DSC3: variants seen among roughly 807,000 people sequenced by gnomAD.
DSC3 encodes the protein desmocollin-3.
DSC3 carries 97 observed loss-of-function variants against 89.5 expected under a neutral mutation model. The ratio of observed to expected loss-of-function variants is 1.08; its 90% CI spans 0.92 to 1.28. The LOEUF is 1.28. Ranked by LOEUF, DSC3 falls within the 50% of genes most tolerant of loss-of-function variation. The pLI is 0.00. For synonymous variants in DSC3, 436 were observed against 384.1 expected (o/e 1.14, Z -1.58); for missense variants, 1,199 against 1,085.3 (o/e 1.10, Z -1.47).
In DSC3 at chr18:30,990,176, T is replaced by A. The variant is rs1984186244; in HGVS notation, c.*3999A>T. 6.6e-6 allele frequency: 1 copy of A among 152,178 alleles called. No individual in the cohort carries two copies. Among genetic ancestry groups the A allele is most frequent in the Non-Finnish European group, 1.5e-5 (1 of 68,028 alleles). 9.4% of individuals were successfully genotyped at this position (152,178 alleles called of 1,614,324 possible). On this transcript the variant is annotated 3_prime_UTR_variant, in exon 16 of 16. Coordinates refer to ENST00000360428, the MANE Select transcript of DSC3 (RefSeq NM_001941.5). ...ACTTTAGGTATAGTAACTCATTTAA[T>A]CATTCAACAACCCCATGAGGCTGGC...
intron 1 of DSC3, among the ~76,000 whole-genome samples, chr18:31,037,922 A>G (rs980151040): frequency 8.5e-5 from 13 of 152,050 alleles, no homozygotes; most frequent in South Asian, 4.1e-4. Flanking sequence ...TTCATTCTCT[A>G]CATTCTTAGT....
Position 31,001,621 on chromosome 18 carries a change from T to C in DSC3, c.2232A>G (p.Arg744=), listed in dbSNP as rs932601444. 2.5e-6 allele frequency: 4 copies of C among 1,609,574 alleles called. No individual in the cohort carries two copies. The African/African-American group carries it at 4.0e-5, about 16-fold the overall frequency. The change falls in exon 14 of 16, where the codon AGA becomes AGG. Residue 744 remains arginine (R), a synonymous_variant. Coordinates refer to ENST00000360428, the MANE Select transcript of DSC3 (RefSeq NM_001941.5). ...ISNTEAPGDD[R]VCSANGFMTQ... ...TATTTATTTAAAAATTACTTACCAC[T>C]CTATCGTCTCCAGGTGCTTCTGTGT...
intron 9 of DSC3, among the ~76,000 whole-genome samples, chr18:31,010,090 G>A (rs1480990528): frequency 6.6e-6 from 1 of 152,142 alleles, no homozygotes; most frequent in Non-Finnish European, 1.5e-5. Flanking sequence ...CAAAACTGGT[G>A]AATAAAATTA....
intron 15 of DSC3, 41 bp from the exon 16 acceptor site, chr18:30,994,413 A>G: frequency 6.3e-7 from 1 of 1,598,020 alleles, no homozygotes; most frequent in South Asian, 1.1e-5. Context: ...TATAGTTTTA[A>G]ACAACTTAAA....
In DSC3 at chr18:30,996,864, C is replaced by A. The variant is rs1240109918; in HGVS notation, c.2420G>T (p.Gly807Val). ...HHHTLDSCRG[G>V]HTEVDNCRYT... The stretch of plus-strand genomic sequence containing the variant: ...TCTGCAGTTGTCCACCTCCGTGTGT[C>A]CTCCCCTGCAGGAGTCCAGGGTATG... The change falls in exon 15 of 16, where the codon GGA becomes GTA. Residue 807 changes from glycine (G) to valine (V), a missense_variant. Coordinates refer to ENST00000360428, the MANE Select transcript of DSC3 (RefSeq NM_001941.5). 1.2e-6 allele frequency: 2 copies of A among 1,613,782 alleles called. No individual in the cohort carries two copies. The highest frequency in any genetic ancestry group is 1.1e-5 in the South Asian group (1 of 91,040).
chr18:31,038,195 C>T lies in DSC3; in HGVS notation c.69+4397G>A, dbSNP rs114235264. On this transcript the variant is annotated intron_variant, in intron 1 of 15. Transcript: ENST00000360428. Reference sequence around the variant, plus strand: ...GTGAGATCAGGCTACTATTTTTCAACTTCATACGATCCTCATAAAATGAGT... The same window carrying T: ...GTGAGATCAGGCTACTATTTTTCAATTTCATACGATCCTCATAAAATGAGT... Among the ~76,000 whole-genome samples the T allele has an allele frequency of 4.5e-3, 685 of 152,256 alleles. 5 individuals carry two copies. Among genetic ancestry groups the T allele is most frequent in the African/African-American group, 0.016 (671 of 41,558 alleles).
At chr18:31,033,990 A>T (rs981874835) in intron 1 of DSC3, among the ~76,000 whole-genome samples, 1 of 152,030 alleles carries the variant, frequency 6.6e-6, no homozygotes, top group Non-Finnish European at 1.5e-5. Flanking sequence ...CGATCGGCTA[A>T]TTTTTTTGTA....
rs188252341 is a variant in DSC3, at chr18:31,000,158, A to C, written c.2235+1460T>G. 4.6e-5 allele frequency among the ~76,000 whole-genome samples: 7 copies of C among 152,246 alleles called. No individual in the cohort carries two copies. In the East Asian group the frequency reaches 1.4e-3, roughly 29 times the overall value. ...GAGTTGAAGAGAGAAATAGTGAATA[A>C]GAAAGGCATCTTCACCCCGAGACAT... On this transcript the variant is annotated intron_variant, in intron 14 of 15. Coordinates refer to ENST00000360428, the MANE Select transcript of DSC3 (RefSeq NM_001941.5).
chr18:30,996,886 T>C lies in DSC3; in HGVS notation c.2398A>G (p.Thr800Ala), dbSNP rs1378488612. The C allele has an allele frequency of 1.2e-6, 2 of 1,613,760 alleles. No homozygotes were observed. The highest frequency in any genetic ancestry group is 1.7e-5 in the Admixed American group (1 of 59,964). ...ESCRGAGHHH[T>A]LDSCRGGHTE... ...TGTCCTCCCCTGCAGGAGTCCAGGG[T>C]ATGATGATGCCCAGCCCCCCGGCAG... Residue 800 changes from threonine (T) to alanine (A), a missense_variant, in exon 15 of 16, where the codon ACC (threonine) becomes GCC (alanine). Coordinates refer to ENST00000360428, the MANE Select transcript of DSC3 (RefSeq NM_001941.5).
At chr18:30,994,557 G>T in intron 15 of DSC3, 185 bp from the exon 16 acceptor site, 1 of 1,359,284 alleles carries the variant, frequency 7.4e-7, no homozygotes, top group Non-Finnish European at 1.0e-6. Flanking sequence ...AGTCAGTATA[G>T]TTTACATTTC....
intron 1 of DSC3, among the ~76,000 whole-genome samples, chr18:31,036,798 C>CTTTCTTTCTTTCTTTT (rs1555635105): frequency 9.3e-6 from 1 of 107,424 alleles, no homozygotes; most frequent in African/African-American, 3.6e-5. Context: ...TTCTTTCTTC[C>CTTTCTTTCTTTCTTTT]TTTTTTTTTT....
At position 31,017,150 on chromosome 18, in the gene DSC3, A is replaced by G. The variant is rs956119246; in HGVS notation, c.1263+921T>C. 1.8e-4 allele frequency among the ~76,000 whole-genome samples: 27 copies of G among 151,944 alleles called. 2 individuals are homozygous for G. Among genetic ancestry groups the G allele is most frequent in the Admixed American group, 1.8e-3 (27 of 15,268 alleles). ...CAATTTGAGCAGATCATATTATAGA[A>G]AAATAAAATAGGGAGGCTTGATGTC... On this transcript the variant is annotated intron_variant, in intron 9 of 15. Coordinates refer to ENST00000360428, the MANE Select transcript of DSC3 (RefSeq NM_001941.5).
intron 1 of DSC3, 103 bp from the exon 2 acceptor site, chr18:31,032,379 C>G: frequency 5.6e-6 from 5 of 885,086 alleles, no homozygotes; most frequent in Non-Finnish European, 7.3e-6. Context: ...GTCCAACACC[C>G]ATTTACAATA....
intron 2 of DSC3, 114 bp downstream of exon 2, chr18:31,032,078 C>T (rs1985807887): frequency 4.1e-6 from 3 of 738,000 alleles, no homozygotes; most frequent in Admixed American, 4.1e-5. Flanking sequence ...CCTGGAGGAA[C>T]ATCCCTTTTT....
At chr18:31,002,911 A>G (rs1286295547) in intron 13 of DSC3, among the ~76,000 whole-genome samples, 2 of 152,126 alleles carry the variant, frequency 1.3e-5, no homozygotes, top group Non-Finnish European at 2.9e-5. Flanking sequence ...CTAATCCTTT[A>G]CAGAAAAAGT....
At chr18:31,019,458 T>A (rs1316033131) in intron 7 of DSC3, among the ~76,000 whole-genome samples, 1 of 152,144 alleles carries the variant, frequency 6.6e-6, no homozygotes, top group Non-Finnish European at 1.5e-5. Context: ...AGCCAAAAAA[T>A]CAAAGCAGTT....
chr18:31,017,774 T>C (rs1216065495), intron 9 of DSC3, among the ~76,000 whole-genome samples: 1 of 152,136 alleles, frequency 6.6e-6, no homozygotes, highest in East Asian at 1.9e-4. Context: ...AAAAATAACC[T>C]GGACACAGTA....
At chr18:31,028,846 T>C (rs906283041) in intron 4 of DSC3, among the ~76,000 whole-genome samples, 13 of 152,232 alleles carry the variant, frequency 8.5e-5, no homozygotes, top group African/African-American at 3.1e-4. Flanking sequence ...ACATAGTCCA[T>C]AGTGGTTTGA....
intron 9 of DSC3, among the ~76,000 whole-genome samples, chr18:31,013,724 C>T (rs77290033): frequency 0.069 from 10,457 of 151,960 alleles, 418 homozygotes; most frequent in Admixed American, 0.094. Flanking sequence ...GCTATTCAAC[C>T]GATAAATATC....
Sources: allele counts gnomAD v4.1 joint callset (sites outside exome capture counted in the v4.1 genomes callset), GRCh38; gene constraint gnomAD v4.1.1; transcripts MANE v1.5; gene names NCBI Gene and HGNC (gene_info 2026-07-23, HGNC 2026-07-21).